C12orf54: variants seen among roughly 807,000 people sequenced by gnomAD.
C12orf54 encodes chromosome 12 open reading frame 54.
A neutral mutation model predicts 26.4 loss-of-function variants in C12orf54; 24 were observed. The observed-to-expected ratio is 0.91, with a 90% CI of 0.66 to 1.28. C12orf54 has a LOEUF of 1.28. Ranked by LOEUF, C12orf54 falls within the 50% of genes most tolerant of loss-of-function variation. The pLI is 0.00. For missense variants in C12orf54, 154 were observed against 150.9 expected (o/e 1.02, Z -0.11); for synonymous variants, 54 against 47.0 (o/e 1.15, Z -0.61).
rs1937857945 is a variant in C12orf54 at position 48,494,092 on chromosome 12, G to C, written c.243-706G>C. On this transcript the variant is annotated intron_variant, in intron 7 of 8. Transcript: ENST00000548364. ...AAATTAGCTGGGCGTGGTGGCAGGT[G>C]CCTGTAACCCCAGCTACTCGGGAGG... Among the ~76,000 whole-genome samples the C allele has an allele frequency of 2.5e-5, 3 of 121,750 alleles. 1 individual carries two copies. The highest frequency in any genetic ancestry group is 3.4e-5 in the Non-Finnish European group (2 of 58,344). 79.9% of individuals were successfully genotyped at this position (121,750 alleles called of 152,430 possible).
rs1390665848 is a variant in C12orf54 at position 48,494,802 on chromosome 12, A to G, written c.247A>G (p.Ile83Val). 2 of 1,613,852 alleles carry G rather than the reference A, an allele frequency of 1.2e-6. No homozygotes were observed. The highest frequency in any genetic ancestry group is 1.7e-5 in the Admixed American group (1 of 60,028). Residue 83 changes from isoleucine to valine, a missense_variant, in exon 8 of 9, where the codon ATA becomes GTA. Physicochemically the swap from Ile to Val is conservative, Grantham distance 29 (BLOSUM62 3). Transcript: ENST00000548364. ...PMTSAPRTGS[I>V]RPPDSLMTPK... ...ACTTTCTCTATTTTGGCACAGAAGC[A>G]TAAGGCCTCCAGATTCCTTGATGAC...
chr12:48,438,125 C>A, the C12orf54 span, among the ~76,000 whole-genome samples: 1 of 152,150 alleles, frequency 6.6e-6, no homozygotes, highest in South Asian at 2.1e-4. Context: ...AAACAGAGAG[C>A]CAAATCATGA....
the C12orf54 span, among the ~76,000 whole-genome samples, chr12:48,455,603 G>C: frequency 3.3e-5 from 5 of 152,180 alleles, no homozygotes; most frequent in African/African-American, 4.8e-5. Flanking sequence ...TTGGAGCAGA[G>C]AGGCTGAAGA....
At chr12:48,437,322 A>G in the C12orf54 span, among the ~76,000 whole-genome samples, 1 of 152,244 alleles carries the variant, frequency 6.6e-6, no homozygotes, top group Non-Finnish European at 1.5e-5. Flanking sequence ...TACCAGAAGT[A>G]CAAGAAGGAG....
At chr12:48,436,441 A>G in the C12orf54 span, among the ~76,000 whole-genome samples, 63 of 152,302 alleles carry the variant, frequency 4.1e-4, no homozygotes, top group Middle Eastern at 3.4e-3. Context: ...TCCACCCCAA[A>G]TCAACACAAT....
At chr12:48,477,479 A>G in the C12orf54 span, among the ~76,000 whole-genome samples, 1 of 152,226 alleles carries the variant, frequency 6.6e-6, no homozygotes, top group Non-Finnish European at 1.5e-5. Context: ...GAAGACATCA[A>G]CAAAATTGAT....
chr12:48,489,962 T>C (rs1057389713), intron 5 of C12orf54, among the ~76,000 whole-genome samples: 1 of 151,916 alleles, frequency 6.6e-6, no homozygotes, highest in African/African-American at 2.4e-5. Context: ...CCTCAGGTGA[T>C]CCACCCACCT....
At chr12:48,457,618 C>T in the C12orf54 span, among the ~76,000 whole-genome samples, 1 of 152,144 alleles carries the variant, frequency 6.6e-6, no homozygotes, top group African/African-American at 2.4e-5. Flanking sequence ...TAGTCCCGGG[C>T]TTCTCTGCCA....
the C12orf54 span, among the ~76,000 whole-genome samples, chr12:48,436,471 A>G: frequency 6.6e-6 from 1 of 152,310 alleles, no homozygotes; most frequent in South Asian, 2.1e-4. Flanking sequence ...TTTCAGCACC[A>G]CACCACACCT....
At chr12:48,473,541 G>A in the C12orf54 span, 2 of 356,160 alleles carry the variant, frequency 5.6e-6, no homozygotes, top group Non-Finnish European at 1.1e-5. Flanking sequence ...GTGGGAGCAA[G>A]AGAGGAAAAG....
the C12orf54 span, among the ~76,000 whole-genome samples, chr12:48,432,294 G>C: frequency 6.6e-6 from 1 of 152,116 alleles, no homozygotes; most frequent in Non-Finnish European, 1.5e-5. Flanking sequence ...GAACAAAAGA[G>C]AAACAACCGT....
the C12orf54 span, among the ~76,000 whole-genome samples, chr12:48,425,586 T>C: frequency 6.6e-6 from 1 of 152,138 alleles, no homozygotes. Flanking sequence ...CCTCTGGGTA[T>C]ATACCCAGTA....
At chr12:48,421,350 A>AG in the C12orf54 span, among the ~76,000 whole-genome samples, 122,026 of 151,350 alleles carry the variant, frequency 0.81, 49,404 homozygotes, top group East Asian at 0.88. Flanking sequence ...TCAACAATAA[A>AG]GTAGCAATGA....
At chr12:48,467,828 T>C in the C12orf54 span, among the ~76,000 whole-genome samples, 1 of 152,180 alleles carries the variant, frequency 6.6e-6, no homozygotes, top group East Asian at 1.9e-4. Context: ...CTTGAAAATA[T>C]AGTCTAAATT....
Position 48,494,814 on chromosome 12 carries a change from G to T in C12orf54, c.259G>T (p.Asp87Tyr). The change falls in exon 8 of 9, where the codon GAT becomes TAT. Residue 87 changes from aspartate (D) to tyrosine (Y), a missense_variant. Physicochemically the swap from Asp to Tyr is radical, Grantham distance 160. Coordinates refer to ENST00000548364, the MANE Select transcript of C12orf54 (RefSeq NM_152319.4). The stretch of plus-strand genomic sequence containing the variant: ...TTGGCACAGAAGCATAAGGCCTCCA[G>T]ATTCCTTGATGACCCCAAAGTTGAG... ...APRTGSIRPP[D>Y]SLMTPKLRRL... is the part of the protein sequence containing the mutation. 1 of 1,613,906 alleles carries T rather than the reference G, an allele frequency of 6.2e-7. No homozygotes were observed. Among genetic ancestry groups the T allele is most frequent in the Non-Finnish European group, 8.5e-7 (1 of 1,179,778 alleles).
the C12orf54 span, among the ~76,000 whole-genome samples, chr12:48,457,157 G>A: frequency 6.6e-6 from 1 of 151,966 alleles, no homozygotes; most frequent in African/African-American, 2.4e-5. Context: ...GAAATTAAAT[G>A]GAATCAGACC....
At chr12:48,474,915 G>A in the C12orf54 span, among the ~76,000 whole-genome samples, 91 of 152,306 alleles carry the variant, frequency 6.0e-4, no homozygotes, top group African/African-American at 2.0e-3. Flanking sequence ...CTCCCGGCAC[G>A]CAGCTTGAAA....
chr12:48,457,240 C>T, the C12orf54 span, among the ~76,000 whole-genome samples: 1 of 151,490 alleles, frequency 6.6e-6, no homozygotes, highest in Non-Finnish European at 1.5e-5. Flanking sequence ...GGGCCGTAAG[C>T]TTGGTGCCAA....
At chr12:48,474,371 C>A in the C12orf54 span, among the ~76,000 whole-genome samples, 7 of 152,160 alleles carry the variant, frequency 4.6e-5, no homozygotes, top group Admixed American at 2.0e-4. Context: ...GTTCATCTCA[C>A]TGGGGAGTGC....
Sources: gnomAD v4.1 joint callset for allele counts (sites outside exome capture counted in the v4.1 genomes callset) on GRCh38, gnomAD v4.1.1 for gene constraint, MANE v1.5 for transcripts, NCBI Gene and HGNC (gene_info 2026-07-23, HGNC 2026-07-21) for gene names.